QTMAN: variants seen among roughly 807,000 people sequenced by gnomAD.
QTMAN encodes the protein tRNA-queuosine alpha-mannosyltransferase.
chr2:144,321,590 A>G, the QTMAN span, among the ~76,000 whole-genome samples: 1 of 152,090 alleles, frequency 6.6e-6, no homozygotes, highest in Admixed American at 6.6e-5. Flanking sequence ...GACTTCAAAG[A>G]AAATTGGTTT....
At chr2:144,074,300 C>A in the QTMAN span, among the ~76,000 whole-genome samples, 1 of 152,130 alleles carries the variant, frequency 6.6e-6, no homozygotes, top group Non-Finnish European at 1.5e-5. Context: ...TAATAACACA[C>A]TGAAATATGT....
At chr2:143,975,374 C>T in the QTMAN span, among the ~76,000 whole-genome samples, 1 of 152,200 alleles carries the variant, frequency 6.6e-6, no homozygotes, top group African/African-American at 2.4e-5. Flanking sequence ...TCTCCTTAGT[C>T]TCTTCCCTTG....
chr2:144,238,928 C>T, the QTMAN span, among the ~76,000 whole-genome samples: 243 of 152,008 alleles, frequency 1.6e-3, no homozygotes, highest in African/African-American at 5.7e-3. Flanking sequence ...ACCCACCACA[C>T]CTCTTTGAAA....
the QTMAN span, among the ~76,000 whole-genome samples, chr2:144,158,258 G>C: frequency 1.3e-5 from 2 of 152,008 alleles, no homozygotes; most frequent in African/African-American, 4.8e-5. Context: ...GAAAAACTAA[G>C]ACTGTCACAA....
chr2:144,072,085 G>A, the QTMAN span, among the ~76,000 whole-genome samples: 3 of 152,028 alleles, frequency 2.0e-5, no homozygotes, highest in Admixed American at 6.5e-5. Flanking sequence ...TTGCTCACAC[G>A]AAAAGCCATG....
At chr2:144,174,231 T>C in the QTMAN span, among the ~76,000 whole-genome samples, 2 of 152,146 alleles carry the variant, frequency 1.3e-5, no homozygotes, top group Non-Finnish European at 2.9e-5. Context: ...CTGTCCTTTA[T>C]GTACCCAGAT....
chr2:144,309,193 T>C, the QTMAN span, among the ~76,000 whole-genome samples: 2 of 152,110 alleles, frequency 1.3e-5, no homozygotes, highest in South Asian at 2.1e-4. Flanking sequence ...CTGAAGAAAA[T>C]AGTTCTTCAA....
the QTMAN span, among the ~76,000 whole-genome samples, chr2:144,117,530 G>C: frequency 6.6e-6 from 1 of 152,108 alleles, no homozygotes; most frequent in Non-Finnish European, 1.5e-5. Flanking sequence ...AGCACATTAA[G>C]TTTCTAACAA....
At chr2:144,256,838 C>A in the QTMAN span, among the ~76,000 whole-genome samples, 1 of 151,726 alleles carries the variant, frequency 6.6e-6, no homozygotes, top group South Asian at 2.1e-4. Context: ...TGTAACAAAC[C>A]CACACATTCA....
At chr2:144,080,793 T>C in the QTMAN span, among the ~76,000 whole-genome samples, 1 of 152,202 alleles carries the variant, frequency 6.6e-6, no homozygotes, top group South Asian at 2.1e-4. Flanking sequence ...TCTCTGAATA[T>C]ATATGTGTGA....
the QTMAN span, among the ~76,000 whole-genome samples, chr2:144,234,388 C>A: frequency 6.6e-6 from 1 of 152,136 alleles, no homozygotes; most frequent in Non-Finnish European, 1.5e-5. Context: ...AGATGTATGA[C>A]CTTTTTTCTT....
chr2:143,982,253 A>G, the QTMAN span, among the ~76,000 whole-genome samples: 9 of 150,462 alleles, frequency 6.0e-5, no homozygotes, highest in African/African-American at 2.2e-4. Flanking sequence ...TTTTTGAGAC[A>G]GTGTTTCACT....
the QTMAN span, among the ~76,000 whole-genome samples, chr2:144,005,459 G>C: frequency 6.6e-6 from 1 of 152,042 alleles, no homozygotes; most frequent in African/African-American, 2.4e-5. Flanking sequence ...CCAGGCATCA[G>C]TAAAATTGAC....
At chr2:143,965,352 G>A in the QTMAN span, among the ~76,000 whole-genome samples, 1 of 152,134 alleles carries the variant, frequency 6.6e-6, no homozygotes, top group Non-Finnish European at 1.5e-5. Flanking sequence ...AATAAAATCT[G>A]CATAGTAGTT....
At chr2:144,030,423 A>C in the QTMAN span, among the ~76,000 whole-genome samples, 1 of 152,170 alleles carries the variant, frequency 6.6e-6, no homozygotes, top group Non-Finnish European at 1.5e-5. Context: ...AATATTGTTG[A>C]CTACTTATCA....
chr2:144,068,111 G>A, the QTMAN span, among the ~76,000 whole-genome samples: 1 of 152,136 alleles, frequency 6.6e-6, no homozygotes, highest in Non-Finnish European at 1.5e-5. Context: ...TATATGAGTT[G>A]ATTCCACTAA....
the QTMAN span, among the ~76,000 whole-genome samples, chr2:144,015,770 A>G: frequency 6.6e-6 from 1 of 152,202 alleles, no homozygotes; most frequent in Non-Finnish European, 1.5e-5. Flanking sequence ...CCACTCAAGC[A>G]ACAGGTTATG....
At chr2:144,272,888 A>G in the QTMAN span, among the ~76,000 whole-genome samples, 1 of 152,218 alleles carries the variant, frequency 6.6e-6, no homozygotes, top group African/African-American at 2.4e-5. Context: ...TCTGAACTGC[A>G]TGAAATTTGA....
the QTMAN span, among the ~76,000 whole-genome samples, chr2:144,287,970 T>C: frequency 2.6e-5 from 4 of 152,170 alleles, no homozygotes; most frequent in Admixed American, 6.5e-5. Flanking sequence ...TTCTCCTGCC[T>C]CAGCCTCCCA....
Sources: gnomAD v4.1 joint callset for allele counts (sites outside exome capture counted in the v4.1 genomes callset) on GRCh38, gnomAD v4.1.1 for gene constraint, MANE v1.5 for transcripts, NCBI Gene and HGNC (gene_info 2026-07-23, HGNC 2026-07-21) for gene names.